The following RUNDC1 variants were observed in gnomAD, a reference collection of about 807,000 sequenced individuals.
RUNDC1 encodes RUN domain-containing protein 1.
RUNDC1 carries 31 observed loss-of-function variants against 49.3 expected under a neutral mutation model. The observed-to-expected ratio is 0.63, with a 90% CI of 0.47 to 0.85. The LOEUF is 0.85. RUNDC1 is among the 40% of genes least tolerant of loss of function. The pLI is 0.00. For missense variants in RUNDC1, 715 were observed against 806.7 expected, an observed-to-expected ratio of 0.89 and a Z score of 1.38; for synonymous variants, 347 against 348.6, an observed-to-expected ratio of 1.00 and a Z score of 0.05.
intron 4 of RUNDC1, 135 bp from the exon 5 acceptor site, chr17:42,990,716 G>C: frequency 1.9e-6 from 2 of 1,040,516 alleles, no homozygotes; most frequent in Non-Finnish European, 1.4e-6. Flanking sequence ...AGGAAGTCCA[G>C]CTACATCCTG....
chr17:42,980,569 C>G lies in RUNDC1; in HGVS notation c.-8C>G, dbSNP rs372010788. The G allele has an allele frequency of 2.5e-6, 4 of 1,609,362 alleles. No homozygotes were observed. The highest frequency in any genetic ancestry group is 1.1e-5 in the South Asian group (1 of 90,726). ...GCGCGGCTGACGTGCGGTGGTGTTTCCGGGAAGATGGCGGCTGTCGAAGCG... is the reference window on the plus strand; with the variant it reads ...GCGCGGCTGACGTGCGGTGGTGTTTGCGGGAAGATGGCGGCTGTCGAAGCG... On this transcript the variant is annotated 5_prime_UTR_variant, in exon 1 of 5. Coordinates refer to ENST00000361677, the MANE Select transcript of RUNDC1 (RefSeq NM_173079.5).
At chr17:42,987,477 A>C (rs2050186852) in intron 2 of RUNDC1, 63 bp downstream of exon 2, 1 of 1,489,164 alleles carries the variant, frequency 6.7e-7, no homozygotes, top group Admixed American at 1.7e-5. Context: ...TCCAGCATTC[A>C]CAGGGCATCC....
intron 2 of RUNDC1, 138 bp from the exon 3 acceptor site, chr17:42,989,203 G>T (rs2050206371): frequency 1.6e-6 from 1 of 645,016 alleles, no homozygotes. Context: ...TCAATCAGCA[G>T]TTAAGTCATT....
rs186221579 is a variant in RUNDC1, at chr17:42,993,533, T to G, written c.*1817T>G. ...CACCTTCCCTGTGAAACAAGAGAAT[T>G]GTAAAATGTTGTGGAAAATGATACA... On this transcript the variant is annotated 3_prime_UTR_variant, in exon 5 of 5. Coordinates refer to ENST00000361677, the MANE Select transcript of RUNDC1 (RefSeq NM_173079.5). 16 of 152,362 alleles carry G rather than the reference T, an allele frequency of 1.1e-4. No homozygotes were observed. The highest frequency in any genetic ancestry group is 3.8e-4 in the African/African-American group (16 of 41,586). The allele number at this position is 152,362 out of a possible 1,614,324, so 9.4% of individuals were successfully genotyped here. A position where few individuals can be genotyped will look rare whatever the true frequency, so the allele number is the denominator to read the frequency against.
chr17:42,990,844 T>C lies in RUNDC1; in HGVS notation c.977-7T>C, dbSNP rs544932784. On this transcript the variant is annotated splice_polypyrimidine_tract_variant and splice_region_variant and intron_variant, in intron 4 of 4. Coordinates refer to ENST00000361677, the MANE Select transcript of RUNDC1 (RefSeq NM_173079.5). ...CTCACTGATGAGCCACTGTCTTTTC[T>C]AAGCAGCAAAGGCAGAGGATGTGAA... 17 of 1,577,108 alleles carry C rather than the reference T, an allele frequency of 1.1e-5. No homozygotes were observed. In the African/African-American group the frequency reaches 2.3e-4, roughly 21 times the overall value.
rs970908217 is a variant in RUNDC1 at position 42,994,280 on chromosome 17, G to A, written c.*2564G>A. 6.6e-6 allele frequency among the ~76,000 whole-genome samples: 1 copy of A among 152,212 alleles called. No individual in the cohort carries two copies. On this transcript the variant is annotated 3_prime_UTR_variant, in exon 5 of 5. Coordinates refer to ENST00000361677, the MANE Select transcript of RUNDC1 (RefSeq NM_173079.5). ...TTTTCAAATCACAAAAACAAAACTTGTATTAAGGCTTTGTGCTAGCATTAC... is the reference window on the plus strand; with the variant it reads ...TTTTCAAATCACAAAAACAAAACTTATATTAAGGCTTTGTGCTAGCATTAC...
At chr17:42,984,889 C>CTTTTTTTTTTTTTTTTTTT (rs56228523) in intron 1 of RUNDC1, among the ~76,000 whole-genome samples, 29 of 65,302 alleles carry the variant, frequency 4.4e-4, no homozygotes, top group African/African-American at 6.5e-4. Context: ...TTCTTTCTTT[C>CTTTTTTTTTTTTTTTTTTT]TTTTTTTTTT....
At position 42,990,894 on chromosome 17, in the gene RUNDC1, C is replaced by A; in HGVS notation, c.1020C>A (p.His340Gln). The change falls in exon 5 of 5, where the codon CAC (histidine) becomes CAA (glutamine). Residue 340 changes from histidine (H) to glutamine (Q), a missense_variant. By Grantham distance (24) the His-to-Gln change is conservative (BLOSUM62 0). This residue lies in a region of RUNDC1 where 425 missense variants were observed against 499.7 expected (regional missense o/e 0.85). Transcript: ENST00000361677. ...DVKKVRETGL[H>Q]LMRRALAVLQ... ...AGAAAGTCCGGGAGACGGGGCTGCA[C>A]CTGATGCGGCGAGCGCTGGCCGTGC... 6.2e-7 allele frequency: 1 copy of A among 1,608,024 alleles called. No individual in the cohort carries two copies.
chr17:42,990,702 A>G, intron 4 of RUNDC1, 149 bp from the exon 5 acceptor site: 2 of 930,040 alleles, frequency 2.2e-6, no homozygotes, highest in South Asian at 3.3e-5. Flanking sequence ...TATTAACCAG[A>G]AAAAGGAAGT....
Position 42,991,555 on chromosome 17 carries a change from TC to T in RUNDC1, c.1683del (p.Ser563HisfsTer37). 6.2e-7 allele frequency: 1 copy of T among 1,614,138 alleles called. No homozygotes were observed. Among genetic ancestry groups the T allele is most frequent in the Non-Finnish European group, 8.5e-7 (1 of 1,180,016 alleles). On this transcript the variant is annotated frameshift_variant, in exon 5 of 5. Coordinates refer to ENST00000361677, the MANE Select transcript of RUNDC1 (RefSeq NM_173079.5). LOFTEE classifies it high-confidence loss of function. ...GTCCTGGGTGAACCTCATCTGCAAG[TC>T]CGGGTCACTCATCGAGCCTCACTAC... ...LVSWVNLICK[S>X]GSLIEPHYQP...
At position 42,983,181 on chromosome 17, in the gene RUNDC1, C is replaced by CA. The variant is rs537928490; in HGVS notation, c.498+2117dup. On this transcript the variant is annotated intron_variant, in intron 1 of 4. Transcript: ENST00000361677. ...TGAGTAACAGAGCAAGACCCTGTCTCAAAAAAAAAAGGCAAAAGAAACATT... is the reference window on the plus strand; with the variant it reads ...TGAGTAACAGAGCAAGACCCTGTCTCAAAAAAAAAAAGGCAAAAGAAACATT... 1.1e-3 allele frequency among the ~76,000 whole-genome samples: 90 copies of CA among 82,978 alleles called. 1 individual carries two copies. The South Asian group carries it at 0.022, about 20-fold the overall frequency. 54.4% of individuals were successfully genotyped at this position (82,978 alleles called of 152,430 possible). A position where few individuals can be genotyped will look rare whatever the true frequency, so the allele number is the denominator to read the frequency against.
chr17:42,983,748 A>G (rs813532), intron 1 of RUNDC1, among the ~76,000 whole-genome samples: 148,872 of 151,660 alleles, frequency 0.98, 73,129 homozygotes, highest in Middle Eastern at 1. Flanking sequence ...CTTGGCTCAC[A>G]GCAACCTCCG....
Position 42,980,895 on chromosome 17 carries a change from C to T in RUNDC1, c.319C>T (p.Arg107Cys), listed in dbSNP as rs1373132698. 3 of 1,525,092 alleles carry T rather than the reference C, an allele frequency of 2.0e-6. No homozygotes were observed. Among genetic ancestry groups the T allele is most frequent in the Non-Finnish European group, 2.6e-6 (3 of 1,142,720 alleles). The allele number at this position is 1,525,092 out of a possible 1,614,324, so 94.5% of individuals were successfully genotyped here. A position where few individuals can be genotyped will look rare whatever the true frequency, so the allele number is the denominator to read the frequency against. Residue 107 changes from arginine to cysteine, a missense_variant, in exon 1 of 5, where the codon CGC becomes TGC. Arg to Cys is a radical substitution (Grantham distance 180). Coordinates refer to ENST00000361677, the MANE Select transcript of RUNDC1 (RefSeq NM_173079.5). ...CTCGCACTTCGCGCAGGTGCAGTTCCGCCTGCGCCAGGTGGTGCGCGGGGC... is the reference window on the plus strand; with the variant it reads ...CTCGCACTTCGCGCAGGTGCAGTTCTGCCTGCGCCAGGTGGTGCGCGGGGC... ...LSSHFAQVQF[R>C]LRQVVRGAPA...
rs777111760 is a variant in RUNDC1 at position 42,991,362 on chromosome 17, C to G, written c.1488C>G (p.Leu496=). The G allele has an allele frequency of 2.5e-5, 40 of 1,614,134 alleles. No homozygotes were observed. In the East Asian group the frequency reaches 8.7e-4, roughly 35 times the overall value. ...RAYVESPARK[L]SQSFALPVTG... Reference sequence around the variant, plus strand: ...ATGTGGAATCCCCAGCCCGGAAGCTCTCCCAGTCCTTCGCCCTTCCTGTTA... The same window carrying G: ...ATGTGGAATCCCCAGCCCGGAAGCTGTCCCAGTCCTTCGCCCTTCCTGTTA... The change falls in exon 5 of 5, where the codon CTC becomes CTG. Residue 496 remains leucine (L), a synonymous_variant. Transcript: ENST00000361677.
Position 42,990,405 on chromosome 17 carries a change from C to T in RUNDC1, c.945C>T (p.Gly315=), listed in dbSNP as rs376140938. 1.2e-6 allele frequency: 2 copies of T among 1,613,856 alleles called. No homozygotes were observed. Among genetic ancestry groups the T allele is most frequent in the Non-Finnish European group, 8.5e-7 (1 of 1,180,020 alleles). The change falls in exon 4 of 5, where the codon GGC becomes GGT. Residue 315 remains glycine (G), a synonymous_variant. Transcript: ENST00000361677. The part of the protein sequence containing the change: ...GKTGNGCSRT[G]SSRTPPGNSK... ...CAGGAAATGGCTGCAGCAGAACAGG[C>T]AGCAGCAGAACGCCTCCAGGAAACA... is the stretch of plus-strand genomic sequence containing the variant.
chr17:42,984,395 C>G (rs1457464786), intron 1 of RUNDC1, among the ~76,000 whole-genome samples: 1 of 151,994 alleles, frequency 6.6e-6, no homozygotes, highest in African/African-American at 2.4e-5. Flanking sequence ...GTTCTGCTGC[C>G]TCAGCCTCCC....
rs531982840 is a variant in RUNDC1, at chr17:42,992,316, C to G, written c.*600C>G. ...AGGCACAGTGGCTCACGCCTGTAAT[C>G]TCAGCACATTGGGAGGCTGAGGTGG... On this transcript the variant is annotated 3_prime_UTR_variant, in exon 5 of 5. Coordinates refer to ENST00000361677, the MANE Select transcript of RUNDC1 (RefSeq NM_173079.5). The G allele has an allele frequency of 6.5e-6, 1 of 153,066 alleles. No homozygotes were observed. Among genetic ancestry groups the G allele is most frequent in the East Asian group, 1.9e-4 (1 of 5,182 alleles). 9.5% of individuals were successfully genotyped at this position (153,066 alleles called of 1,614,324 possible).
Position 42,987,326 on chromosome 17 carries a change from A to C in RUNDC1, c.569A>C (p.Lys190Thr), listed in dbSNP as rs370774883. The C allele has an allele frequency of 1.0e-4, 167 of 1,613,988 alleles. No individual in the cohort carries two copies. The highest frequency in any genetic ancestry group is 1.3e-4 in the Non-Finnish European group (157 of 1,179,972). The change falls in exon 2 of 5, where the codon AAG becomes ACG. Residue 190 changes from lysine to threonine, a missense_variant. Physicochemically the swap from Lys to Thr is moderately conservative, Grantham distance 78. Coordinates refer to ENST00000361677, the MANE Select transcript of RUNDC1 (RefSeq NM_173079.5). ...CAGAAAGAACTGATACTGCAGCTCA[A>C]GACCCAGCTAGATGACCTGGAAACG... ...EKQKELILQL[K>T]TQLDDLETFA...
In RUNDC1 at chr17:42,991,806, G is replaced by A; in HGVS notation, c.*90G>A. Reference sequence around the variant, plus strand: ...ATAGGAGCAAGGAATCAGAGGTGGGGTTAAAGGCATTTTTCCCAGACCCTG... The same window carrying A: ...ATAGGAGCAAGGAATCAGAGGTGGGATTAAAGGCATTTTTCCCAGACCCTG... On this transcript the variant is annotated 3_prime_UTR_variant, in exon 5 of 5. Coordinates refer to ENST00000361677, the MANE Select transcript of RUNDC1 (RefSeq NM_173079.5). 2 of 1,408,028 alleles carry A rather than the reference G, an allele frequency of 1.4e-6. No homozygotes were observed. Among genetic ancestry groups the A allele is most frequent in the Non-Finnish European group, 1.9e-6 (2 of 1,045,286 alleles). The allele number at this position is 1,408,028 out of a possible 1,614,324, so 87.2% of individuals were successfully genotyped here. A position where few individuals can be genotyped will look rare whatever the true frequency, so the allele number is the denominator to read the frequency against.
Sources: allele counts gnomAD v4.1 joint callset (sites outside exome capture counted in the v4.1 genomes callset), GRCh38; gene constraint gnomAD v4.1.1; regional missense constraint gnomAD v4.1.1; transcripts MANE v1.5; gene names NCBI Gene and HGNC (gene_info 2026-07-23, HGNC 2026-07-21).